The following MTERF3 variants were observed in gnomAD, a reference collection of about 807,000 sequenced individuals.
The protein encoded by MTERF3 is transcription termination factor 3, mitochondrial.
MTERF3 carries 40 observed loss-of-function variants against 40.5 expected under a neutral mutation model. The ratio of observed to expected loss-of-function variants is 0.99; its 90% CI spans 0.77 to 1.29. The LOEUF (loss-of-function observed/expected upper bound fraction) is 1.29, where lower values mean the gene tolerates loss of function less well. Among genes scored for constraint, MTERF3 ranks in the 50% most tolerant of loss-of-function variants. The probability of loss-of-function intolerance (pLI) is 0.00; values close to 1 mark genes in which losing one functional copy is unlikely to be tolerated. For synonymous variants in MTERF3, 158 were observed against 166.6 expected, an observed-to-expected ratio of 0.95 and a Z score of 0.40; for missense variants, 452 against 478.2, an observed-to-expected ratio of 0.95 and a Z score of 0.51.
intron 4 of MTERF3, among the ~76,000 whole-genome samples, chr8:96,250,681 A>AAGAAGGAGGAGG (rs1195195158): frequency 1.7e-4 from 4 of 23,338 alleles, no homozygotes; most frequent in East Asian, 2.1e-3. Context: ...GAAGAAGAAG[A>AAGAAGGAGGAGG]AGGAGGAGGA....
chr8:96,249,134 T>C (rs575104062), intron 4 of MTERF3, among the ~76,000 whole-genome samples: 45 of 152,340 alleles, frequency 3.0e-4, no homozygotes, highest in African/African-American at 9.9e-4. Flanking sequence ...AAGAATTAAA[T>C]GTAGAGACAG....
At chr8:96,258,794 AT>A in intron 1 of MTERF3, 94 bp from the exon 2 acceptor site, 1 of 978,854 alleles carries the variant, frequency 1.0e-6, no homozygotes, top group Non-Finnish European at 1.5e-6. Flanking sequence ...TAAACTGGAA[AT>A]TATTTTTTTC....
At chr8:96,256,185 T>C (rs1810275819) in intron 3 of MTERF3, among the ~76,000 whole-genome samples, 1 of 152,140 alleles carries the variant, frequency 6.6e-6, no homozygotes, top group South Asian at 2.1e-4. Context: ...TGGACGGAGA[T>C]CCCCTGGCTC....
In MTERF3 at chr8:96,256,955, A is replaced by T; in HGVS notation, c.487+7T>A. The T allele has an allele frequency of 6.3e-7, 1 of 1,594,208 alleles. No individual in the cohort carries two copies. ...GCAAAAAGTACTTGTAGTTTAGTCA[A>T]ACTTACCTAGAAGAACCAACTTCTG... On this transcript the variant is annotated splice_region_variant and intron_variant, in intron 3 of 7. Transcript: ENST00000287025.
rs879324476 is a variant in MTERF3, at chr8:96,239,418, G to A, written c.*73C>T. ...TTTCCAATATCAGTTGAGACCCGAG[G>A]CATTTAAAAATATATTCATTTATTC... On this transcript the variant is annotated 3_prime_UTR_variant, in exon 8 of 8. Coordinates refer to ENST00000287025, the MANE Select transcript of MTERF3 (RefSeq NM_015942.5). 8.5e-7 allele frequency: 1 copy of A among 1,177,644 alleles called. No individual in the cohort carries two copies. The highest frequency in any genetic ancestry group is 1.2e-6 in the Non-Finnish European group (1 of 860,438). 72.9% of individuals were successfully genotyped at this position (1,177,644 alleles called of 1,614,324 possible).
rs1810170006 is a variant in MTERF3, at chr8:96,250,901, C to T, written c.677+5G>A. 1 of 1,598,340 alleles carries T rather than the reference C, an allele frequency of 6.3e-7. No individual in the cohort carries two copies. The highest frequency in any genetic ancestry group is 1.4e-5 in the African/African-American group (1 of 73,462). On this transcript the variant is annotated splice_donor_5th_base_variant and intron_variant, in intron 4 of 7. Coordinates refer to ENST00000287025, the MANE Select transcript of MTERF3 (RefSeq NM_015942.5). ...GTTATATGAGAATCCTTTTAAAAGT[C>T]CTACCTGGTCTTCAGATTTTCAAGG...
At chr8:96,254,153 C>T (rs531473030) in intron 3 of MTERF3, among the ~76,000 whole-genome samples, 3 of 152,288 alleles carry the variant, frequency 2.0e-5, no homozygotes, top group African/African-American at 7.2e-5. Context: ...TCTGAATGTA[C>T]ACTTTTTAAA....
intron 7 of MTERF3, among the ~76,000 whole-genome samples, chr8:96,240,196 C>T (rs564101054): frequency 1.0e-3 from 155 of 151,048 alleles, no homozygotes; most frequent in Middle Eastern, 6.8e-3. Flanking sequence ...TGCAGTGAGC[C>T]GAGATCGCGC....
At chr8:96,242,111 C>T (rs1255236200) in intron 7 of MTERF3, among the ~76,000 whole-genome samples, 1 of 152,182 alleles carries the variant, frequency 6.6e-6, no homozygotes, top group South Asian at 2.1e-4. Context: ...GAGATTTAAA[C>T]ACCAGCCAAA....
rs1422311172 is a variant in MTERF3 at position 96,257,136 on chromosome 8, T to C, written c.335-22A>G. On this transcript the variant is annotated intron_variant, in intron 2 of 7. Coordinates refer to ENST00000287025, the MANE Select transcript of MTERF3 (RefSeq NM_015942.5). ...AGTTCTTTGAAAGAGAGAAACAAAT[T>C]AGTGCTCTAATATGCACACTTAAAA... is the stretch of plus-strand genomic sequence containing the variant. 3.7e-6 allele frequency: 6 copies of C among 1,606,706 alleles called. No individual in the cohort carries two copies. In the Admixed American group the frequency reaches 1.0e-4, roughly 27 times the overall value.
At position 96,239,899 on chromosome 8, in the gene MTERF3, A is replaced by C. The variant is rs550155116; in HGVS notation, c.1060-214T>G. 1.1e-5 allele frequency: 8 copies of C among 696,654 alleles called. No individual in the cohort carries two copies. In the South Asian group the frequency reaches 1.2e-4, roughly 11 times the overall value. 43.2% of individuals were successfully genotyped at this position (696,654 alleles called of 1,614,324 possible). ...AATCAACATACAAAACAATAATAAA[A>C]TAATTCAGGGCTATACTGTGTGCAA... On this transcript the variant is annotated intron_variant, in intron 7 of 7. Coordinates refer to ENST00000287025, the MANE Select transcript of MTERF3 (RefSeq NM_015942.5).
rs1810318814 is a variant in MTERF3, at chr8:96,258,374, G to C, written c.317C>G (p.Ser106Cys). The C allele has an allele frequency of 2.5e-6, 4 of 1,611,220 alleles. No homozygotes were observed. The highest frequency in any genetic ancestry group is 3.4e-6 in the Non-Finnish European group (4 of 1,177,768). Residue 106 changes from serine to cysteine, a missense_variant, in exon 2 of 8, where the codon TCT becomes TGT. By Grantham distance (112) the Ser-to-Cys change is moderately radical. Transcript: ENST00000287025. ...AGAATTACCTTCTAGAAACAGCTCAGAATCAAAGCTGGATATATTTTGTGT... is the reference window on the plus strand; with the variant it reads ...AGAATTACCTTCTAGAAACAGCTCACAATCAAAGCTGGATATATTTTGTGT... ...QKTQNISSFDSELFLEELDEL... is the reference protein window; with the variant it reads ...QKTQNISSFDCELFLEELDEL...
At chr8:96,241,071 A>AT (rs574142469) in intron 7 of MTERF3, among the ~76,000 whole-genome samples, 23 of 151,598 alleles carry the variant, frequency 1.5e-4, no homozygotes, top group East Asian at 3.9e-4. Context: ...TTTTAGATAG[A>AT]TTTTTTTTTA....
At chr8:96,241,602 A>G (rs1809932238) in intron 7 of MTERF3, among the ~76,000 whole-genome samples, 1 of 152,100 alleles carries the variant, frequency 6.6e-6, no homozygotes, top group Admixed American at 6.5e-5. Flanking sequence ...ATCATTAGAG[A>G]GTTGTGTACT....
At chr8:96,250,514 C>CAAAAATT (rs1372020740) in intron 4 of MTERF3, among the ~76,000 whole-genome samples, 1 of 148,782 alleles carries the variant, frequency 6.7e-6, no homozygotes, top group East Asian at 2.0e-4. Context: ...AGTTCGAGAA[C>CAAAAATT]AGCCTGGCCA....
chr8:96,247,192 C>T (rs1487735027), intron 4 of MTERF3, among the ~76,000 whole-genome samples: 3 of 152,092 alleles, frequency 2.0e-5, no homozygotes, highest in African/African-American at 7.2e-5. Flanking sequence ...AGGCTAGTCT[C>T]GAACTCCTGA....
Position 96,258,349 on chromosome 8 carries a change from A to G in MTERF3, c.334+8T>C, listed in dbSNP as rs1253486186. On this transcript the variant is annotated splice_region_variant and intron_variant, in intron 2 of 7. Transcript: ENST00000287025. ...GAAAGGGAGACTTTTCTGAAAGTTC[A>G]GAATTACCTTCTAGAAACAGCTCAG... 3 of 1,593,906 alleles carry G rather than the reference A, an allele frequency of 1.9e-6. No homozygotes were observed. The highest frequency in any genetic ancestry group is 2.6e-6 in the Non-Finnish European group (3 of 1,166,134).
Position 96,250,587 on chromosome 8 carries a change from A to C in MTERF3, c.677+319T>G, listed in dbSNP as rs577243122. 2.4e-4 allele frequency among the ~76,000 whole-genome samples: 30 copies of C among 127,246 alleles called. 1 individual carries two copies. In the South Asian group the frequency reaches 8.6e-3, roughly 37 times the overall value. The allele number at this position is 127,246 out of a possible 152,430, so 83.5% of individuals were successfully genotyped here. ...TTAGCCAGGCATGGTGGCCACCTGT[A>C]GTCACCCAGCTACTTGGGAGGCTGA... On this transcript the variant is annotated intron_variant, in intron 4 of 7. Coordinates refer to ENST00000287025, the MANE Select transcript of MTERF3 (RefSeq NM_015942.5).
At chr8:96,240,880 A>G (rs2129864062) in intron 7 of MTERF3, among the ~76,000 whole-genome samples, 1 of 152,290 alleles carries the variant, frequency 6.6e-6, no homozygotes, top group Middle Eastern at 3.4e-3. Flanking sequence ...ATGAAAAGCA[A>G]TTGTTGAAAA....
Sources: gnomAD v4.1 joint callset for allele counts (sites outside exome capture counted in the v4.1 genomes callset) on GRCh38, gnomAD v4.1.1 for gene constraint, MANE v1.5 for transcripts, NCBI Gene and HGNC (gene_info 2026-07-23, HGNC 2026-07-21) for gene names.